SLC25A27: variants seen among roughly 807,000 people sequenced by gnomAD.
SLC25A27 encodes solute carrier family 25 member 27, also known as mitochondrial uncoupling protein 4.
SLC25A27 carries 35 observed loss-of-function variants against 49.1 expected under a neutral mutation model. The observed-to-expected ratio is 0.71, with a 90% CI of 0.54 to 0.95. The LOEUF (loss-of-function observed/expected upper bound fraction) is 0.95. Among genes scored for constraint, SLC25A27 ranks in the 40% least tolerant of loss-of-function variants. SLC25A27 has a pLI of 0.00. For synonymous variants in SLC25A27, 144 were observed against 136.9 expected (o/e 1.05, Z -0.36); for missense variants, 339 against 397.1 (o/e 0.85, Z 1.24).
chr6:46,662,590 A>G, intron 4 of SLC25A27, 92 bp downstream of exon 4: 1 of 1,337,248 alleles, frequency 7.5e-7, no homozygotes. Context: ...TCCAGTATGC[A>G]GTAAAGATAT....
At chr6:46,676,335 T>C (rs891271738) in intron 8 of SLC25A27, 48 bp from the exon 9 acceptor site, 3 of 1,562,428 alleles carry the variant, frequency 1.9e-6, no homozygotes, top group Non-Finnish European at 2.6e-6. Flanking sequence ...TGTAGACTAT[T>C]TATAATTGCT....
At chr6:46,670,395 A>T (rs1294764121) in intron 7 of SLC25A27, 168 bp downstream of exon 7, 8 of 574,104 alleles carry the variant, frequency 1.4e-5, no homozygotes, top group Non-Finnish European at 2.1e-5. Context: ...AAAAAGTGAC[A>T]TGCATTTGGG....
intron 8 of SLC25A27, among the ~76,000 whole-genome samples, chr6:46,674,735 T>C (rs942716932): frequency 6.6e-6 from 1 of 152,226 alleles, no homozygotes; most frequent in Non-Finnish European, 1.5e-5. Context: ...TCAAGTCCTC[T>C]GGCCAATGTG....
At chr6:46,668,950 C>A (rs1303882999) in intron 6 of SLC25A27, among the ~76,000 whole-genome samples, 157 bp downstream of exon 6, 1 of 152,000 alleles carries the variant, frequency 6.6e-6, no homozygotes, top group Non-Finnish European at 1.5e-5. Flanking sequence ...AAGTTTCTTG[C>A]AGTTAGAATG....
intron 4 of SLC25A27, among the ~76,000 whole-genome samples, chr6:46,663,587 T>C (rs1763233697): frequency 2.6e-5 from 4 of 152,212 alleles, no homozygotes. Context: ...GAAAACTGGT[T>C]ATTAGGATCC....
Position 46,658,989 on chromosome 6 carries a change from A to G in SLC25A27, c.326A>G (p.Tyr109Cys), listed in dbSNP as rs1763078311. The change falls in exon 3 of 9, where the codon TAT becomes TGT. Residue 109 changes from tyrosine (Y) to cysteine (C), a missense_variant. Physicochemically the swap from Tyr to Cys is radical, Grantham distance 194. Coordinates refer to ENST00000371347, the MANE Select transcript of SLC25A27 (RefSeq NM_004277.5). Reference protein sequence around the residue: ...VVYSGGRMVTYEHLREVVFGK... With the variant: ...VVYSGGRMVTCEHLREVVFGK... ...TATTCTGGAGGTCGAATGGTCACAT[A>G]TGAACATCTCCGAGAGGTTGTGTTT... 1.2e-6 allele frequency: 2 copies of G among 1,613,688 alleles called. No homozygotes were observed. The highest frequency in any genetic ancestry group is 8.5e-7 in the Non-Finnish European group (1 of 1,179,698).
At chr6:46,669,658 G>A (rs1763451161) in intron 6 of SLC25A27, among the ~76,000 whole-genome samples, 1 of 152,092 alleles carries the variant, frequency 6.6e-6, no homozygotes, top group Admixed American at 6.6e-5. Context: ...TGCATGTACT[G>A]TTCTATCTTC....
At chr6:46,675,652 T>G (rs1047808999) in intron 8 of SLC25A27, among the ~76,000 whole-genome samples, 1 of 152,198 alleles carries the variant, frequency 6.6e-6, no homozygotes, top group African/African-American at 2.4e-5. Context: ...CAGGAATTAT[T>G]AGATCCAAGG....
intron 5 of SLC25A27, among the ~76,000 whole-genome samples, chr6:46,666,003 C>T (rs1322314243): frequency 6.6e-6 from 1 of 152,164 alleles, no homozygotes; most frequent in Non-Finnish European, 1.5e-5. Context: ...CTAAGCAATT[C>T]ATTGATTCTC....
intron 6 of SLC25A27, among the ~76,000 whole-genome samples, chr6:46,669,694 CAT>C (rs1417320763): frequency 2.0e-5 from 3 of 152,174 alleles, no homozygotes; most frequent in African/African-American, 4.8e-5. Flanking sequence ...TTCAGGTCTT[CAT>C]ATACATGTGT....
In SLC25A27 at chr6:46,671,160, A is replaced by G; in HGVS notation, c.832A>G (p.Ile278Val). Residue 278 changes from isoleucine to valine, a missense_variant, in exon 8 of 9, where the codon ATT (isoleucine) becomes GTT (valine). Transcript: ENST00000371347. ...LLYKSSTDCL[I>V]QAVQGEGFMS... ...GTATAAATCATCGACTGACTGCTTG[A>G]TTCAGGCTGTTCAAGGTGAAGGATT... 1.2e-6 allele frequency: 2 copies of G among 1,602,240 alleles called. No individual in the cohort carries two copies. Among genetic ancestry groups the G allele is most frequent in the Non-Finnish European group, 8.5e-7 (1 of 1,175,516 alleles).
intron 5 of SLC25A27, 147 bp from the exon 6 acceptor site, chr6:46,668,562 A>G (rs1345642538): frequency 5.4e-6 from 3 of 557,148 alleles, no homozygotes; most frequent in South Asian, 2.7e-5. Context: ...CTCTCCCTCT[A>G]TCTGTAGCTG....
At chr6:46,668,862 A>G (rs1763415015) in intron 6 of SLC25A27, 69 bp downstream of exon 6, 1 of 897,690 alleles carries the variant, frequency 1.1e-6, no homozygotes, top group South Asian at 1.4e-5. Flanking sequence ...TTTGACATAA[A>G]TTCTTTAGGC....
At chr6:46,659,361 C>T (rs572563077) in intron 3 of SLC25A27, among the ~76,000 whole-genome samples, 1 of 152,274 alleles carries the variant, frequency 6.6e-6, no homozygotes, top group Non-Finnish European at 1.5e-5. Flanking sequence ...CAAATTCCTG[C>T]TCTGCTACTG....
intron 4 of SLC25A27, 89 bp downstream of exon 4, chr6:46,662,587 T>G (rs1435480452): frequency 1.2e-5 from 17 of 1,362,130 alleles, no homozygotes; most frequent in Non-Finnish European, 1.7e-5. Flanking sequence ...TCATCCAGTA[T>G]GCAGTAAAGA....
chr6:46,665,823 T>G (rs1763308143), intron 5 of SLC25A27, among the ~76,000 whole-genome samples: 1 of 152,190 alleles, frequency 6.6e-6, no homozygotes, highest in Non-Finnish European at 1.5e-5. Context: ...TCCTCTTCCA[T>G]CCTCAAATGT....
At chr6:46,654,454 A>G (rs141481293) in intron 1 of SLC25A27, among the ~76,000 whole-genome samples, 247 of 152,300 alleles carry the variant, frequency 1.6e-3, no homozygotes, top group African/African-American at 5.7e-3. Flanking sequence ...AAAGATCTAA[A>G]AGCAGATTGC....
At chr6:46,658,438 C>A (rs533792936) in intron 2 of SLC25A27, 5 of 408,588 alleles carry the variant, frequency 1.2e-5, no homozygotes, top group Non-Finnish European at 2.4e-5. Flanking sequence ...AGATTCATTT[C>A]ATACGTTTGA....
At position 46,668,792 on chromosome 6, in the gene SLC25A27, A is replaced by G. The variant is rs755345912; in HGVS notation, c.703A>G (p.Ser235Gly). The change falls in exon 6 of 9, where the codon AGT (serine) becomes GGT (glycine). Residue 235 changes from serine (S) to glycine (G), a missense_variant and splice_region_variant. Coordinates refer to ENST00000371347, the MANE Select transcript of SLC25A27 (RefSeq NM_004277.5). Reference protein sequence around the residue: ...EDNIMTHGLSSLCSGLVASIL... With the variant: ...EDNIMTHGLSGLCSGLVASIL... Reference sequence around the variant, plus strand: ...CAATATCATGACTCACGGTTTATCAAGGTAAGGATTGTTTTAGTTGGACTC... The same window carrying G: ...CAATATCATGACTCACGGTTTATCAGGGTAAGGATTGTTTTAGTTGGACTC... The G allele has an allele frequency of 3.8e-6, 6 of 1,572,246 alleles. No homozygotes were observed.
Sources: gnomAD v4.1 joint callset for allele counts (sites outside exome capture counted in the v4.1 genomes callset) on GRCh38, gnomAD v4.1.1 for gene constraint, MANE v1.5 for transcripts, NCBI Gene and HGNC (gene_info 2026-07-23, HGNC 2026-07-21) for gene names.